Variants in DPP10 observed in about 807,000 individuals in gnomAD.
DPP10 encodes the protein dipeptidyl peptidase like 10.
In DPP10, 33 loss-of-function variants were observed where a neutral mutation model predicts 120.9. The observed-to-expected ratio is 0.27, with a 90% CI of 0.21 to 0.37. The LOEUF (loss-of-function observed/expected upper bound fraction) is 0.37, where lower values mean the gene tolerates loss of function less well. DPP10 is among the 10% of genes least tolerant of loss of function. The pLI, the probability that DPP10 is intolerant of heterozygous loss-of-function variation, is 1.00. For missense variants in DPP10, 816 were observed against 942.8 expected (o/e 0.87, Z 1.76); for synonymous variants, 337 against 326.1 (o/e 1.03, Z -0.36).
intron 1 of DPP10, among the ~76,000 whole-genome samples, chr2:115,023,241 A>C (rs1559004590): frequency 6.6e-6 from 1 of 152,120 alleles, no homozygotes; most frequent in South Asian, 2.1e-4. Context: ...AATCTTCACA[A>C]TCTATATATC....
chr2:114,858,193 T>C (rs562723586), intron 1 of DPP10, among the ~76,000 whole-genome samples: 233 of 152,286 alleles, frequency 1.5e-3, no homozygotes, highest in African/African-American at 5.5e-3. Flanking sequence ...TTTCACCGTG[T>C]TGCCCAGGCT....
At chr2:114,751,334 C>A (rs1355471870) in intron 1 of DPP10, among the ~76,000 whole-genome samples, 2 of 152,158 alleles carry the variant, frequency 1.3e-5, no homozygotes, top group African/African-American at 4.8e-5. Flanking sequence ...GTACTTGCTA[C>A]CTGACCTTTT....
intron 3 of DPP10, among the ~76,000 whole-genome samples, chr2:115,496,545 A>G (rs879320156): frequency 2.0e-5 from 3 of 152,154 alleles, no homozygotes; most frequent in African/African-American, 7.2e-5. Context: ...ATAACAACCT[A>G]TCACTCATTT....
chr2:115,672,195 G>A (rs767213762), intron 5 of DPP10, among the ~76,000 whole-genome samples: 1 of 152,026 alleles, frequency 6.6e-6, no homozygotes, highest in Non-Finnish European at 1.5e-5. Flanking sequence ...ATAGACCTTG[G>A]TGTGCTTTTG....
chr2:115,791,038 T>A, intron 17 of DPP10, 43 bp from the exon 18 acceptor site: 1 of 1,407,632 alleles, frequency 7.1e-7, no homozygotes, highest in Non-Finnish European at 9.9e-7. Flanking sequence ...TTCTGTTTAA[T>A]GCATAGGGGT....
intron 1 of DPP10, among the ~76,000 whole-genome samples, chr2:115,099,142 A>T (rs1573609193): frequency 6.6e-6 from 1 of 150,532 alleles, no homozygotes. Flanking sequence ...AAAAAAAAAA[A>T]AAAAGAAAAA....
At chr2:114,767,834 A>G (rs1380411336) in intron 1 of DPP10, among the ~76,000 whole-genome samples, 1 of 152,212 alleles carries the variant, frequency 6.6e-6, no homozygotes, top group Non-Finnish European at 1.5e-5. Flanking sequence ...CAAAGTTCTC[A>G]GAGAGGCCGA....
intron 3 of DPP10, among the ~76,000 whole-genome samples, chr2:115,479,645 A>G (rs1436736699): frequency 6.6e-6 from 1 of 151,628 alleles, no homozygotes; most frequent in African/African-American, 2.4e-5. Flanking sequence ...ACACACATGT[A>G]TATATATATA....
chr2:114,883,887 A>G (rs1331605410), intron 1 of DPP10, among the ~76,000 whole-genome samples: 1 of 152,184 alleles, frequency 6.6e-6, no homozygotes, highest in Admixed American at 6.5e-5. Flanking sequence ...TGGATTTCAG[A>G]AACATCAGGA....
At chr2:115,474,581 G>A (rs539876174) in intron 3 of DPP10, among the ~76,000 whole-genome samples, 3 of 152,230 alleles carry the variant, frequency 2.0e-5, no homozygotes, top group South Asian at 4.1e-4. Flanking sequence ...AAATTTCTAA[G>A]GAGCAACTGA....
At chr2:115,766,956 T>C (rs931598710) in intron 12 of DPP10, among the ~76,000 whole-genome samples, 1 of 152,068 alleles carries the variant, frequency 6.6e-6, no homozygotes, top group African/African-American at 2.4e-5. Context: ...GCTCCAACAC[T>C]GGGGATTTCA....
chr2:114,613,948 T>A (rs975807867), intron 1 of DPP10, among the ~76,000 whole-genome samples: 3 of 151,882 alleles, frequency 2.0e-5, no homozygotes. Flanking sequence ...AAGGGGAACA[T>A]CATACACCAG....
chr2:114,591,897 T>C (rs1691498806), intron 1 of DPP10, among the ~76,000 whole-genome samples: 1 of 152,070 alleles, frequency 6.6e-6, no homozygotes, highest in African/African-American at 2.4e-5. Context: ...CAAAGTGAAG[T>C]TGTTAACCAA....
chr2:114,526,491 C>A (rs1435216972), intron 1 of DPP10, among the ~76,000 whole-genome samples: 1 of 151,894 alleles, frequency 6.6e-6, no homozygotes, highest in African/African-American at 2.4e-5. Context: ...CTAAAATATC[C>A]CATAGAAAAC....
At chr2:115,688,538 G>A (rs1005623474) in intron 5 of DPP10, among the ~76,000 whole-genome samples, 1 of 151,998 alleles carries the variant, frequency 6.6e-6, no homozygotes, top group Non-Finnish European at 1.5e-5. Context: ...GTAAATCCTG[G>A]AAATAATAAT....
At chr2:115,190,331 A>T (rs1251498995) in intron 1 of DPP10, among the ~76,000 whole-genome samples, 2 of 145,706 alleles carry the variant, frequency 1.4e-5, no homozygotes, top group African/African-American at 5.1e-5. Flanking sequence ...CATGTGAGGC[A>T]CTTCTTCTAC....
intron 5 of DPP10, among the ~76,000 whole-genome samples, chr2:115,666,394 A>T (rs1242130044): frequency 1.3e-5 from 2 of 152,152 alleles, no homozygotes; most frequent in African/African-American, 4.8e-5. Flanking sequence ...ATCAGATCTC[A>T]TGAGAACTCG....
At position 114,630,756 on chromosome 2, in the gene DPP10, G is replaced by A. The variant is rs532279896; in HGVS notation, c.60+187918G>A. Among the ~76,000 whole-genome samples, 5 of 152,246 alleles carry A rather than the reference G, an allele frequency of 3.3e-5. No homozygotes were observed. In the South Asian group the frequency reaches 1.0e-3, roughly 32 times the overall value. On this transcript the variant is annotated intron_variant, in intron 1 of 25. Coordinates refer to ENST00000410059, the MANE Select transcript of DPP10 (RefSeq NM_020868.6). ...GGGATTTGACAGATTGAGAGAATGT[G>A]GTGTAGATTACAAAAGAGTTTTAGA... is the stretch of plus-strand genomic sequence containing the variant.
intron 1 of DPP10, among the ~76,000 whole-genome samples, chr2:115,027,840 T>C (rs913577128): frequency 2.0e-5 from 3 of 152,088 alleles, no homozygotes; most frequent in Non-Finnish European, 4.4e-5. Flanking sequence ...TCAATCTTGG[T>C]AGGTTATATG....
Sources: gnomAD v4.1 joint callset for allele counts (sites outside exome capture counted in the v4.1 genomes callset) on GRCh38, gnomAD v4.1.1 for gene constraint, MANE v1.5 for transcripts, NCBI Gene and HGNC (gene_info 2026-07-23, HGNC 2026-07-21) for gene names.